The following PAX2 variants were observed in gnomAD, a reference collection of about 807,000 sequenced individuals.
PAX2 encodes paired box protein Pax-2.
A neutral mutation model predicts 41.7 loss-of-function variants in PAX2; 9 were observed. The observed-to-expected ratio is 0.22, with a 90% confidence interval of 0.13 to 0.38. The LOEUF (loss-of-function observed/expected upper bound fraction) is 0.38. PAX2 is among the 10% of genes least tolerant of loss of function. The probability of loss-of-function intolerance (pLI) is 1.00; values close to 1 mark genes in which losing one functional copy is unlikely to be tolerated. For missense variants in PAX2, 418 were observed against 531.6 expected, an observed-to-expected ratio of 0.79 and a Z score of 2.10; for synonymous variants, 221 against 212.7, an observed-to-expected ratio of 1.04 and a Z score of -0.34.
At chr10:100,801,731 G>A (rs1000602345) in intron 5 of PAX2, among the ~76,000 whole-genome samples, 4 of 152,252 alleles carry the variant, frequency 2.6e-5, no homozygotes, top group Non-Finnish European at 4.4e-5. Flanking sequence ...GAGGGATGCC[G>A]AGAGGAAGGC....
At chr10:100,775,365 G>A (rs1316694513) in intron 3 of PAX2, among the ~76,000 whole-genome samples, 1 of 152,204 alleles carries the variant, frequency 6.6e-6, no homozygotes, top group Non-Finnish European at 1.5e-5. Context: ...GAGACAGGAG[G>A]ACAATGGATG....
intron 5 of PAX2, among the ~76,000 whole-genome samples, chr10:100,802,635 C>T (rs916400009): frequency 2.0e-5 from 3 of 152,108 alleles, no homozygotes; most frequent in Non-Finnish European, 4.4e-5. Context: ...GAATGCCACC[C>T]GGGAGAGTCT....
chr10:100,811,741 G>A (rs1847997590), intron 7 of PAX2, among the ~76,000 whole-genome samples: 1 of 152,306 alleles, frequency 6.6e-6, no homozygotes, highest in South Asian at 2.1e-4. Flanking sequence ...CTGGGGAGGT[G>A]TGTGCTAAAG....
At chr10:100,737,815 C>A (rs563106568) in intron 1 of PAX2, among the ~76,000 whole-genome samples, 1 of 152,344 alleles carries the variant, frequency 6.6e-6, no homozygotes, top group South Asian at 2.1e-4. Context: ...GACAGAGGCG[C>A]GTGACCGAAC....
intron 1 of PAX2, among the ~76,000 whole-genome samples, chr10:100,736,339 G>T (rs536841796): frequency 1.3e-5 from 2 of 152,296 alleles, no homozygotes; most frequent in Non-Finnish European, 2.9e-5. Flanking sequence ...TAAGGGAGTA[G>T]AGTGTTGCTC....
At chr10:100,777,350 C>T (rs543522592) in intron 3 of PAX2, among the ~76,000 whole-genome samples, 24 of 150,718 alleles carry the variant, frequency 1.6e-4, no homozygotes, top group African/African-American at 4.4e-4. Flanking sequence ...CTGCCTGCGT[C>T]GGCCTCCCAA....
In PAX2 at chr10:100,745,963, C is replaced by A. The variant is rs1042417328; in HGVS notation, c.-298C>A. On this transcript the variant is annotated 5_prime_UTR_variant, in exon 1 of 10. Transcript: ENST00000355243. Reference sequence around the variant, plus strand: ...GGCTGCAGCTGCAGCGCGAGCCATGCGCCCCCAGTGCACCCCGGCCCGGCC... The same window carrying A: ...GGCTGCAGCTGCAGCGCGAGCCATGAGCCCCCAGTGCACCCCGGCCCGGCC... The A allele has an allele frequency of 1.4e-4, 186 of 1,298,192 alleles. No individual in the cohort carries two copies. The highest frequency in any genetic ancestry group is 1.7e-4 in the Non-Finnish European group (172 of 1,024,610). 80.4% of individuals were successfully genotyped at this position (1,298,192 alleles called of 1,614,324 possible).
upstream of PAX2, among the ~76,000 whole-genome samples, chr10:100,742,581 A>C (rs1845000071): frequency 1.3e-5 from 2 of 152,198 alleles, no homozygotes; most frequent in African/African-American, 4.8e-5. Context: ...TAATGAAGCA[A>C]ATCCCGAGAT....
At chr10:100,780,786 G>A (rs918399984) in intron 4 of PAX2, among the ~76,000 whole-genome samples, 2 of 152,236 alleles carry the variant, frequency 1.3e-5, no homozygotes, top group African/African-American at 4.8e-5. Context: ...CCAGGAGACT[G>A]AGAACAATGA....
intron 1 of PAX2, chr10:100,746,993 C>G (rs1845205224): frequency 1.3e-5 from 2 of 152,400 alleles, no homozygotes; most frequent in Admixed American, 1.3e-4. Context: ...GCCTTCCCTT[C>G]CCTTCACATT....
At chr10:100,818,560 C>G (rs909544029) in intron 7 of PAX2, among the ~76,000 whole-genome samples, 6 of 151,560 alleles carry the variant, frequency 4.0e-5, no homozygotes, top group African/African-American at 1.5e-4. Context: ...AAGTCATGTA[C>G]CATCTACACA....
intron 5 of PAX2, among the ~76,000 whole-genome samples, chr10:100,796,219 C>CAT (rs1261830210): frequency 6.6e-6 from 1 of 152,158 alleles, no homozygotes; most frequent in Non-Finnish European, 1.5e-5. Context: ...CAGGAGATAA[C>CAT]CACTGTTGAA....
chr10:100,750,492 G>C lies in PAX2; in HGVS notation c.213-202G>C, dbSNP rs2133835584. On this transcript the variant is annotated intron_variant, in intron 2 of 9. Coordinates refer to ENST00000355243, the MANE Select transcript of PAX2 (RefSeq NM_000278.5). The surrounding 1 kb of genome is among the most constrained non-coding windows in gnomAD (Gnocchi z 4.1). Reference sequence around the variant, plus strand: ...CCTGGTGTGGCCGTCTCCCTGGAGGGATGGTACCCCTTGTCCTCCTACTCC... The same window carrying C: ...CCTGGTGTGGCCGTCTCCCTGGAGGCATGGTACCCCTTGTCCTCCTACTCC... 6.6e-6 allele frequency among the ~76,000 whole-genome samples: 1 copy of C among 152,332 alleles called. No individual in the cohort carries two copies. Among genetic ancestry groups the C allele is most frequent in the African/African-American group, 2.4e-5 (1 of 41,588 alleles).
chr10:100,747,950 A>G (rs1845263331), intron 1 of PAX2: 1 of 982,842 alleles, frequency 1.0e-6, no homozygotes, highest in Non-Finnish European at 1.2e-6. Flanking sequence ...TGAAACCCAA[A>G]GGTTTCTGCA....
At chr10:100,740,985 C>T (rs916671959), upstream of PAX2, among the ~76,000 whole-genome samples, 1 of 152,222 alleles carries the variant, frequency 6.6e-6, no homozygotes, top group Non-Finnish European at 1.5e-5. Flanking sequence ...GCGGTAGCCA[C>T]CTGGCTGGCC....
At chr10:100,763,521 A>G (rs1294059481) in intron 3 of PAX2, among the ~76,000 whole-genome samples, 3 of 152,184 alleles carry the variant, frequency 2.0e-5, no homozygotes. Context: ...TCTGGTGGTT[A>G]GAGTAGTTAG....
chr10:100,782,647 C>T (rs1265693378), intron 5 of PAX2, among the ~76,000 whole-genome samples: 2 of 152,280 alleles, frequency 1.3e-5, no homozygotes, highest in Non-Finnish European at 2.9e-5. Context: ...GCCCTAATGG[C>T]CTCGTTTCAC....
In PAX2 at chr10:100,750,345, G is replaced by A. The variant is rs1289588084; in HGVS notation, c.213-349G>A. The stretch of plus-strand genomic sequence containing the variant: ...CTCTGTGCCCAGTAGGAAAGGGCTC[G>A]AGGTGGTGCCTCAACCCTGGCCTCC... On this transcript the variant is annotated intron_variant, in intron 2 of 9. Transcript: ENST00000355243. This position sits in a 1 kb window ranked among gnomAD's most constrained non-coding sequence, Gnocchi z 4.1. Among the ~76,000 whole-genome samples the A allele has an allele frequency of 1.3e-5, 2 of 152,118 alleles. No homozygotes were observed. The highest frequency in any genetic ancestry group is 2.9e-5 in the Non-Finnish European group (2 of 68,016).
chr10:100,817,407 C>T (rs1231309441), intron 7 of PAX2, among the ~76,000 whole-genome samples: 2 of 152,234 alleles, frequency 1.3e-5, no homozygotes, highest in African/African-American at 4.8e-5. Flanking sequence ...CATTTCCATC[C>T]ATGGTCCAGC....
Sources: gnomAD v4.1 joint callset for allele counts (sites outside exome capture counted in the v4.1 genomes callset) on GRCh38, gnomAD v4.1.1 for gene constraint, Gnocchi (gnomAD v3.1) non-coding constraint, MANE v1.5 for transcripts, NCBI Gene and HGNC (gene_info 2026-07-23, HGNC 2026-07-21) for gene names.